GALNT13: variants seen among roughly 807,000 people sequenced by gnomAD.
GALNT13 encodes the protein UDP-GalNAc:polypeptide N-acetylgalactosaminyltransferase 13.
A neutral mutation model predicts 64.2 loss-of-function variants in GALNT13; 28 were observed. The ratio of observed to expected loss-of-function variants is 0.44; its 90% CI spans 0.32 to 0.60. The LOEUF (loss-of-function observed/expected upper bound fraction) is 0.60, where lower values mean the gene tolerates loss of function less well. Ranked by LOEUF, GALNT13 falls within the 20% of genes least tolerant of loss-of-function variation. The pLI, the probability that GALNT13 is intolerant of heterozygous loss-of-function variation, is 0.05. For synonymous variants in GALNT13, 214 were observed against 224.6 expected (o/e 0.95, Z 0.42); for missense variants, 577 against 669.8 (o/e 0.86, Z 1.53).
chr2:153,573,742 TC>T, the GALNT13 span, among the ~76,000 whole-genome samples: 1 of 152,070 alleles, frequency 6.6e-6, no homozygotes. Context: ...TGCCTTAATT[TC>T]ATCCCCCCAC....
intron 4 of GALNT13, among the ~76,000 whole-genome samples, chr2:154,176,956 G>C (rs1685686601): frequency 6.6e-6 from 1 of 152,098 alleles, no homozygotes; most frequent in Non-Finnish European, 1.5e-5. Context: ...GCAACTGCAT[G>C]GGAACTTATT....
At chr2:153,284,410 G>C in the GALNT13 span, among the ~76,000 whole-genome samples, 1 of 152,158 alleles carries the variant, frequency 6.6e-6, no homozygotes, top group South Asian at 2.1e-4. Context: ...TCTGGACTGA[G>C]ACTAAAATGC....
At chr2:153,457,619 A>G in the GALNT13 span, among the ~76,000 whole-genome samples, 1 of 152,188 alleles carries the variant, frequency 6.6e-6, no homozygotes, top group Non-Finnish European at 1.5e-5. Context: ...GAGAAAACCA[A>G]GACTCTGAAA....
intron 3 of GALNT13, among the ~76,000 whole-genome samples, chr2:153,953,441 A>G (rs1277399087): frequency 6.6e-6 from 1 of 152,156 alleles, no homozygotes; most frequent in Non-Finnish European, 1.5e-5. Flanking sequence ...TGGCATTATT[A>G]TTATTATTAT....
chr2:154,420,031 TC>T (rs1268902730), intron 11 of GALNT13, among the ~76,000 whole-genome samples: 1 of 152,112 alleles, frequency 6.6e-6, no homozygotes, highest in Non-Finnish European at 1.5e-5. Context: ...TTAATGGGAT[TC>T]CCAGAATATT....
chr2:154,253,902 G>T (rs992546323), intron 7 of GALNT13, among the ~76,000 whole-genome samples: 15 of 152,076 alleles, frequency 9.9e-5, no homozygotes, highest in African/African-American at 3.6e-4. Flanking sequence ...AATGTATTGG[G>T]TATGCTTATA....
intron 4 of GALNT13, among the ~76,000 whole-genome samples, chr2:154,201,910 C>T (rs1217324802): frequency 6.6e-6 from 1 of 152,124 alleles, no homozygotes; most frequent in East Asian, 1.9e-4. Context: ...TTGATTCTTC[C>T]TTGATGCTTC....
chr2:153,423,059 A>G, the GALNT13 span, among the ~76,000 whole-genome samples: 1 of 151,942 alleles, frequency 6.6e-6, no homozygotes, highest in Non-Finnish European at 1.5e-5. Flanking sequence ...CAGGGATGTT[A>G]GTGAAAAAAT....
At chr2:153,773,223 G>A in the GALNT13 span, among the ~76,000 whole-genome samples, 1 of 152,254 alleles carries the variant, frequency 6.6e-6, no homozygotes, top group African/African-American at 2.4e-5. Flanking sequence ...GGGATGGATG[G>A]GACCAGTTTC....
chr2:154,139,872 A>ACCCT (rs1369184596), intron 3 of GALNT13, among the ~76,000 whole-genome samples: 1 of 152,150 alleles, frequency 6.6e-6, no homozygotes, highest in Non-Finnish European at 1.5e-5. Flanking sequence ...TTCTTTTGAC[A>ACCCT]CAATTCAAAA....
At chr2:153,522,311 C>A in the GALNT13 span, among the ~76,000 whole-genome samples, 4 of 150,986 alleles carry the variant, frequency 2.6e-5, no homozygotes, top group African/African-American at 9.8e-5. Context: ...CCAGCCTGGG[C>A]GACAGAGTGA....
At chr2:153,299,518 C>T in the GALNT13 span, among the ~76,000 whole-genome samples, 2 of 152,240 alleles carry the variant, frequency 1.3e-5, no homozygotes, top group Non-Finnish European at 2.9e-5. Flanking sequence ...ACAGCCAAGG[C>T]TATCTGACAG....
chr2:154,219,966 A>G (rs572557296), intron 4 of GALNT13, among the ~76,000 whole-genome samples: 1 of 152,220 alleles, frequency 6.6e-6, no homozygotes, highest in African/African-American at 2.4e-5. Context: ...GACACATATC[A>G]TATATATCAT....
chr2:153,370,846 G>C, the GALNT13 span: 3 of 158,968 alleles, frequency 1.9e-5, no homozygotes, highest in Non-Finnish European at 4.2e-5. Context: ...CTTGACCATA[G>C]AGTTGGCCAT....
the GALNT13 span, among the ~76,000 whole-genome samples, chr2:153,528,952 ATACT>A: frequency 6.6e-6 from 1 of 151,980 alleles, no homozygotes; most frequent in Non-Finnish European, 1.5e-5. Context: ...ATAGCTATAA[ATACT>A]TACATCAAAA....
the GALNT13 span, among the ~76,000 whole-genome samples, chr2:153,372,289 T>G: frequency 2.6e-5 from 4 of 152,180 alleles, no homozygotes; most frequent in African/African-American, 9.7e-5. Flanking sequence ...AGTTCTGTGA[T>G]TCCATTTTTC....
At chr2:153,082,956 G>A in the GALNT13 span, among the ~76,000 whole-genome samples, 1 of 151,558 alleles carries the variant, frequency 6.6e-6, no homozygotes, top group East Asian at 2.0e-4. Flanking sequence ...AGCCTCCCAA[G>A]TGTCTGGGAT....
At chr2:154,137,587 CTTACA>C in intron 3 of GALNT13, among the ~76,000 whole-genome samples, 1 of 152,140 alleles carries the variant, frequency 6.6e-6, no homozygotes, top group East Asian at 1.9e-4. Context: ...AAAACTATAA[CTTACA>C]TAATGTGAAA....
At chr2:153,178,539 A>G in the GALNT13 span, among the ~76,000 whole-genome samples, 4 of 152,072 alleles carry the variant, frequency 2.6e-5, no homozygotes, top group South Asian at 6.2e-4. Context: ...TCCATTGCCC[A>G]TTCTAAAATC....
Sources: gnomAD v4.1 joint callset for allele counts (sites outside exome capture counted in the v4.1 genomes callset) on GRCh38, gnomAD v4.1.1 for gene constraint, MANE v1.5 for transcripts, NCBI Gene and HGNC (gene_info 2026-07-23, HGNC 2026-07-21) for gene names.